PTPRD: variants seen among roughly 807,000 people sequenced by gnomAD.
PTPRD encodes receptor-type tyrosine-protein phosphatase delta.
PTPRD carries 34 observed loss-of-function variants against 214.5 expected under a neutral mutation model. The observed-to-expected ratio is 0.16, with a 90% CI of 0.12 to 0.21. The LOEUF is 0.21. PTPRD is among the 10% of genes least tolerant of loss of function. The probability of loss-of-function intolerance (pLI) is 1.00; values close to 1 mark genes in which losing one functional copy is unlikely to be tolerated. For synonymous variants in PTPRD, 1,128 were observed against 845.7 expected (o/e 1.33, Z -5.79); for missense variants, 2,545 against 2,398.7 (o/e 1.06, Z -1.27).
intron 5 of PTPRD, among the ~76,000 whole-genome samples, chr9:9,772,883 C>T (rs144705485): frequency 2.5e-3 from 382 of 152,206 alleles, no homozygotes; most frequent in Middle Eastern, 3.4e-3. Flanking sequence ...TCTCTCAAAA[C>T]GACACATTCA....
At chr9:10,582,911 A>G (rs1487817358) in intron 2 of PTPRD, among the ~76,000 whole-genome samples, 4 of 152,216 alleles carry the variant, frequency 2.6e-5, no homozygotes, top group Non-Finnish European at 5.9e-5. Context: ...CTAACATGTA[A>G]GGGAGGAATA....
Position 10,406,742 on chromosome 9 carries a change from A to C in PTPRD, c.-599-65725T>G, listed in dbSNP as rs895565170. 6.6e-5 allele frequency among the ~76,000 whole-genome samples: 10 copies of C among 151,594 alleles called. No homozygotes were observed. The Admixed American group carries it at 6.6e-4, about 10-fold the overall frequency. On this transcript the variant is annotated intron_variant, in intron 2 of 45. Transcript: ENST00000381196. ...TTCAATTTAATCAGCACAAAATCAA[A>C]AATGAGAGCCAGATTTCACATGTCA...
At chr9:10,344,594 G>A (rs1205496275) in intron 2 of PTPRD, among the ~76,000 whole-genome samples, 2 of 152,062 alleles carry the variant, frequency 1.3e-5, no homozygotes, top group African/African-American at 2.4e-5. Context: ...TGATGAGGAT[G>A]GCATTGAATC....
chr9:8,729,844 C>G (rs75830630), intron 12 of PTPRD, among the ~76,000 whole-genome samples: 357 of 152,288 alleles, frequency 2.3e-3, no homozygotes, highest in African/African-American at 8.2e-3. Flanking sequence ...GATTATCTTA[C>G]AACACAGATG....
intron 5 of PTPRD, among the ~76,000 whole-genome samples, chr9:9,870,466 C>T (rs918402021): frequency 2.0e-5 from 3 of 151,766 alleles, no homozygotes; most frequent in African/African-American, 7.3e-5. Context: ...GTTGCCCATA[C>T]CCTTTAATAT....
intron 5 of PTPRD, among the ~76,000 whole-genome samples, chr9:9,840,068 C>A (rs1380833190): frequency 6.6e-6 from 1 of 151,950 alleles, no homozygotes; most frequent in Non-Finnish European, 1.5e-5. Context: ...GACAGAGTCT[C>A]GCTCTGTCAC....
At chr9:10,446,417 C>CTTTTTTTTTTTT (rs34478548) in intron 2 of PTPRD, among the ~76,000 whole-genome samples, 135 of 92,956 alleles carry the variant, frequency 1.5e-3, no homozygotes, top group African/African-American at 2.6e-3. Flanking sequence ...CTATTTTTTT[C>CTTTTTTTTTTTT]TTTTTTTTTT....
At chr9:9,103,410 A>C (rs1263835635) in intron 10 of PTPRD, among the ~76,000 whole-genome samples, 1 of 152,170 alleles carries the variant, frequency 6.6e-6, no homozygotes, top group African/African-American at 2.4e-5. Flanking sequence ...GTTAGCATGA[A>C]AAAATTTTCG....
intron 11 of PTPRD, among the ~76,000 whole-genome samples, chr9:8,849,356 A>T (rs2097768872): frequency 6.6e-6 from 1 of 151,652 alleles, no homozygotes; most frequent in Non-Finnish European, 1.5e-5. Context: ...TTGTATTTTT[A>T]GCTGGGACTA....
At chr9:8,356,203 T>G (rs1300544229) in intron 39 of PTPRD, among the ~76,000 whole-genome samples, 1 of 152,144 alleles carries the variant, frequency 6.6e-6, no homozygotes, top group Non-Finnish European at 1.5e-5. Context: ...AAAGCCCACC[T>G]TTTGAGTTTT....
chr9:10,594,585 G>A (rs1258213009), intron 2 of PTPRD, among the ~76,000 whole-genome samples: 2 of 152,032 alleles, frequency 1.3e-5, no homozygotes, highest in African/African-American at 4.8e-5. Context: ...AACCTGCTAT[G>A]TTGTTGGAGT....
chr9:8,500,558 G>GAAAAAAAAAAAAAAAAAA lies in PTPRD; in HGVS notation c.2128+178_2128+195dup, dbSNP rs146807692. On this transcript the variant is annotated intron_variant, in intron 24 of 45. Transcript: ENST00000381196. ...TTACTGCATTGAGATTGAAAAAAAT[G>GAAAAAAAAAAAAAAAAAA]AAAAAAAAAAAAAAAAAAAAAAAAA... Among the ~76,000 whole-genome samples, 10 of 14,316 alleles carry GAAAAAAAAAAAAAAAAAA rather than the reference G, an allele frequency of 7.0e-4. 3 individuals are homozygous for GAAAAAAAAAAAAAAAAAA. Among genetic ancestry groups the GAAAAAAAAAAAAAAAAAA allele is most frequent in the Admixed American group, 6.6e-3 (4 of 608 alleles). 9.4% of individuals were successfully genotyped at this position (14,316 alleles called of 152,430 possible). A position where few individuals can be genotyped will look rare whatever the true frequency, so the allele number is the denominator to read the frequency against.
intron 9 of PTPRD, among the ~76,000 whole-genome samples, chr9:9,236,147 G>T (rs1002584839): frequency 3.3e-5 from 5 of 152,116 alleles, no homozygotes; most frequent in African/African-American, 4.8e-5. Flanking sequence ...CAGCTACCCA[G>T]GAGGCTGAGG....
chr9:9,029,653 G>C (rs544301428), intron 10 of PTPRD, among the ~76,000 whole-genome samples: 34 of 151,970 alleles, frequency 2.2e-4, no homozygotes, highest in African/African-American at 7.7e-4. Flanking sequence ...AATGATGATG[G>C]AATTTGATGA....
chr9:10,158,542 G>A (rs1162323473), intron 3 of PTPRD, among the ~76,000 whole-genome samples: 1 of 152,052 alleles, frequency 6.6e-6, no homozygotes, highest in Non-Finnish European at 1.5e-5. Context: ...GCCACTCATA[G>A]GAAACCAGAA....
intron 34 of PTPRD, among the ~76,000 whole-genome samples, chr9:8,446,139 C>G (rs535168629): frequency 6.6e-6 from 1 of 152,170 alleles, no homozygotes; most frequent in African/African-American, 2.4e-5. Context: ...TTCTTTGTGC[C>G]TTAGCTGAGC....
chr9:9,833,035 G>T (rs934263739), intron 5 of PTPRD, among the ~76,000 whole-genome samples: 1 of 151,942 alleles, frequency 6.6e-6, no homozygotes, highest in African/African-American at 2.4e-5. Context: ...CAAAATGGTA[G>T]AAATTCATGG....
intron 2 of PTPRD, among the ~76,000 whole-genome samples, chr9:10,528,845 A>C (rs2055168446): frequency 6.6e-6 from 1 of 152,180 alleles, no homozygotes; most frequent in Non-Finnish European, 1.5e-5. Context: ...TTATATATTC[A>C]TATTAGTTAC....
chr9:8,504,767 C>T (rs572514217), intron 22 of PTPRD, among the ~76,000 whole-genome samples: 1 of 152,236 alleles, frequency 6.6e-6, no homozygotes, highest in Admixed American at 6.5e-5. Context: ...GAAAATGACA[C>T]CTGCCCCTGG....
Sources: allele counts gnomAD v4.1 joint callset (sites outside exome capture counted in the v4.1 genomes callset), GRCh38; gene constraint gnomAD v4.1.1; transcripts MANE v1.5; gene names NCBI Gene and HGNC (gene_info 2026-07-23, HGNC 2026-07-21).